The following MYO5A variants were observed in gnomAD, a reference collection of about 807,000 sequenced individuals.
MYO5A encodes myosin VA, also known as unconventional myosin-Va.
A neutral mutation model predicts 249.7 loss-of-function variants in MYO5A; 98 were observed. The observed-to-expected ratio is 0.39, with a 90% CI of 0.33 to 0.46. The LOEUF (loss-of-function observed/expected upper bound fraction) is 0.46, where lower values mean the gene tolerates loss of function less well. Ranked by LOEUF, MYO5A falls within the 20% of genes least tolerant of loss-of-function variation. The pLI is 0.98. For missense variants in MYO5A, 1,696 were observed against 2,308.8 expected, an observed-to-expected ratio of 0.73 and a Z score of 5.44; for synonymous variants, 778 against 810.6, an observed-to-expected ratio of 0.96 and a Z score of 0.68.
At chr15:52,407,166 A>T (rs1360354235) in intron 8 of MYO5A, 126 bp downstream of exon 8, 2 of 729,288 alleles carry the variant, frequency 2.7e-6, no homozygotes, top group Non-Finnish European at 5.0e-6. Flanking sequence ...AATGTGTTCT[A>T]TGTGGAATAT....
intron 1 of MYO5A, among the ~76,000 whole-genome samples, chr15:52,451,398 A>T (rs1005448088): frequency 1.3e-5 from 2 of 152,038 alleles, no homozygotes; most frequent in Non-Finnish European, 2.9e-5. Context: ...TCCTCCCCCA[A>T]CTCTCTATTC....
At chr15:52,407,159 G>A (rs2043042004) in intron 8 of MYO5A, 133 bp downstream of exon 8, 2 of 710,640 alleles carry the variant, frequency 2.8e-6, no homozygotes, top group African/African-American at 1.8e-5. Flanking sequence ...CTGTCTAAAT[G>A]TGTTCTATGT....
intron 2 of MYO5A, among the ~76,000 whole-genome samples, chr15:52,429,382 C>T (rs1474818740): frequency 1.3e-5 from 2 of 151,600 alleles, no homozygotes; most frequent in South Asian, 2.1e-4. Flanking sequence ...GGCAAGACTC[C>T]GTCTTTATTA....
intron 28 of MYO5A, among the ~76,000 whole-genome samples, chr15:52,350,923 G>T (rs530256479): frequency 6.6e-6 from 1 of 151,992 alleles, no homozygotes; most frequent in Non-Finnish European, 1.5e-5. Context: ...ATGCCTTCCC[G>T]CAGTAAGAAA....
intron 4 of MYO5A, among the ~76,000 whole-genome samples, chr15:52,417,024 A>G (rs1229576908): frequency 1.3e-5 from 2 of 152,204 alleles, no homozygotes; most frequent in Non-Finnish European, 2.9e-5. Context: ...GTTCTTCGTG[A>G]TAAGGCACAG....
At chr15:52,343,562 C>G (rs752329451) in intron 30 of MYO5A, among the ~76,000 whole-genome samples, 5 of 152,130 alleles carry the variant, frequency 3.3e-5, no homozygotes, top group Admixed American at 6.5e-5. Context: ...ACATATAGAA[C>G]AAAAACTTCA....
At chr15:52,500,540 G>A (rs1461805804) in intron 1 of MYO5A, among the ~76,000 whole-genome samples, 1 of 151,968 alleles carries the variant, frequency 6.6e-6, no homozygotes, top group African/African-American at 2.4e-5. Flanking sequence ...TAGAAACGGG[G>A]TTTCACCATG....
intron 29 of MYO5A, among the ~76,000 whole-genome samples, chr15:52,347,667 T>C (rs960966525): frequency 6.6e-6 from 1 of 152,206 alleles, no homozygotes; most frequent in Non-Finnish European, 1.5e-5. Context: ...ACCACTTTTC[T>C]CTTAATGCTA....
intron 12 of MYO5A, among the ~76,000 whole-genome samples, chr15:52,389,801 A>C (rs2042137096): frequency 6.6e-6 from 1 of 152,150 alleles, no homozygotes; most frequent in Non-Finnish European, 1.5e-5. Flanking sequence ...AAAATTAGAA[A>C]AAATTAGCCA....
intron 9 of MYO5A, among the ~76,000 whole-genome samples, chr15:52,399,092 C>G (rs1460936723): frequency 6.6e-6 from 1 of 151,366 alleles, no homozygotes; most frequent in Non-Finnish European, 1.5e-5. Context: ...TCTATTACAT[C>G]AAGATTGTTA....
intron 31 of MYO5A, among the ~76,000 whole-genome samples, chr15:52,342,401 A>G (rs892554412): frequency 1.3e-4 from 20 of 152,174 alleles, no homozygotes; most frequent in Non-Finnish European, 1.5e-5. Flanking sequence ...CCATAGACAC[A>G]TATATCCTGT....
intron 34 of MYO5A, among the ~76,000 whole-genome samples, chr15:52,333,011 T>A (rs2038960027): frequency 6.6e-6 from 1 of 152,126 alleles, no homozygotes; most frequent in Non-Finnish European, 1.5e-5. Flanking sequence ...CTTTTGCCCT[T>A]CCACCTTCTG....
chr15:52,442,037 T>C (rs2075795081), intron 1 of MYO5A, among the ~76,000 whole-genome samples: 1 of 152,180 alleles, frequency 6.6e-6, no homozygotes, highest in African/African-American at 2.4e-5. Context: ...TAAGAAATAT[T>C]TGTGTGACAG....
chr15:52,364,752 C>T (rs889033675), intron 23 of MYO5A, 50 bp from the exon 24 acceptor site: 6 of 1,598,410 alleles, frequency 3.8e-6, no homozygotes, highest in Non-Finnish European at 4.3e-6. Context: ...CTTGAGAATG[C>T]AATTGTGTAA....
intron 1 of MYO5A, among the ~76,000 whole-genome samples, chr15:52,464,466 C>T (rs68061874): frequency 0.15 from 22,884 of 152,100 alleles, 1,836 homozygotes; most frequent in Middle Eastern, 0.22. Flanking sequence ...TTTATATATG[C>T]GTTTTTCTCA....
Position 52,383,098 on chromosome 15 carries a change from G to A in MYO5A, c.2005C>T (p.Pro669Ser). Residue 669 changes from proline (P) to serine (S), a missense_variant, in exon 16 of 42, where the codon CCA (proline) becomes TCA (serine). Pro to Ser is a moderately conservative substitution (Grantham distance 74). Around this residue, in one of 5 missense-constraint regions of MYO5A, gnomAD observed 277 missense variants for 422.4 expected, o/e 0.66. Coordinates refer to ENST00000399233, the MANE Select transcript of MYO5A (RefSeq NM_001382347.1). ...TGGTTCAGAAATACTTACGTGAATG[G>A]GAACTTGAAGTCATTAGGCTTGATA... The part of the protein sequence containing the change: ...RCIKPNDFKF[P>S]FTFDEKRAVQ... 1 of 1,611,014 alleles carries A rather than the reference G, an allele frequency of 6.2e-7. No homozygotes were observed. Among genetic ancestry groups the A allele is most frequent in the Non-Finnish European group, 8.5e-7 (1 of 1,177,200 alleles).
At chr15:52,481,777 G>C (rs1355126242) in intron 1 of MYO5A, among the ~76,000 whole-genome samples, 1 of 152,128 alleles carries the variant, frequency 6.6e-6, no homozygotes, top group African/African-American at 2.4e-5. Context: ...GAAATGAGAG[G>C]CCAGAGAGAT....
intron 1 of MYO5A, among the ~76,000 whole-genome samples, chr15:52,472,914 G>A (rs1479822522): frequency 6.6e-6 from 1 of 152,202 alleles, no homozygotes; most frequent in African/African-American, 2.4e-5. Flanking sequence ...ACCCAGTAAT[G>A]GGATGGCTGG....
intron 21 of MYO5A, 76 bp downstream of exon 21, chr15:52,372,048 A>G: frequency 6.2e-7 from 1 of 1,605,302 alleles, no homozygotes; most frequent in Non-Finnish European, 8.5e-7. Context: ...AAAGTCAAAG[A>G]AAAACAATAT....
Sources: gnomAD v4.1 joint callset for allele counts (sites outside exome capture counted in the v4.1 genomes callset) on GRCh38, gnomAD v4.1.1 for gene constraint, gnomAD v4.1.1 regional missense constraint, MANE v1.5 for transcripts, NCBI Gene and HGNC (gene_info 2026-07-23, HGNC 2026-07-21) for gene names.